Variants in RAB1A observed in about 807,000 individuals in gnomAD.
RAB1A encodes ras-related protein Rab-1A.
Under a neutral mutation model 26.0 loss-of-function variants are expected in RAB1A, and 2 were observed. That is an observed-to-expected ratio of 0.08 (90% confidence interval 0.03 to 0.24). The LOEUF (loss-of-function observed/expected upper bound fraction) is 0.24. RAB1A is among the 10% of genes least tolerant of loss of function. The pLI, the probability that RAB1A is intolerant of heterozygous loss-of-function variation, is 1.00. For synonymous variants in RAB1A, 84 were observed against 84.9 expected (o/e 0.99, Z 0.06); for missense variants, 100 against 247.0 (o/e 0.40, Z 3.99).
chr2:65,126,753 G>A (rs1670109810), intron 1 of RAB1A, among the ~76,000 whole-genome samples: 1 of 152,178 alleles, frequency 6.6e-6, no homozygotes, highest in African/African-American at 2.4e-5. Context: ...TTTAATTGAA[G>A]AGAAAGCAAG....
chr2:65,123,596 G>C (rs1670023247), intron 1 of RAB1A, among the ~76,000 whole-genome samples: 1 of 152,006 alleles, frequency 6.6e-6, no homozygotes, highest in Admixed American at 6.6e-5. Context: ...ATTTGGCTGA[G>C]GTGGGTGGAT....
intron 2 of RAB1A, 51 bp downstream of exon 2, chr2:65,104,683 C>T: frequency 8.0e-7 from 1 of 1,255,264 alleles, no homozygotes. Flanking sequence ...AGAAAACATA[C>T]ATAGCATTAA....
At chr2:65,118,546 C>T (rs985441622) in intron 1 of RAB1A, among the ~76,000 whole-genome samples, 1 of 152,148 alleles carries the variant, frequency 6.6e-6, no homozygotes, top group Admixed American at 6.5e-5. Context: ...AGCACAATCT[C>T]GGCTCACTGC....
In RAB1A at chr2:65,090,986, A is replaced by T; in HGVS notation, c.285T>A (p.Asp95Glu). ...HGIIVVYDVT[D>E]QESFNNVKQW... ...ACAATCTCCTCTTGGAACTTACCTG[A>T]TCTGTCACATCATACACAACTATGA... is the stretch of plus-strand genomic sequence containing the variant. Residue 95 changes from aspartate (D) to glutamate (E), a missense_variant, in exon 4 of 6, where the codon GAT (aspartate) becomes GAA (glutamate). Physicochemically the swap from Asp to Glu is conservative, Grantham distance 45. This residue lies in a region of RAB1A where 33 missense variants were observed against 124.2 expected (regional missense o/e 0.27). Coordinates refer to ENST00000409784, the MANE Select transcript of RAB1A (RefSeq NM_004161.5). 6.2e-7 allele frequency: 1 copy of T among 1,603,632 alleles called. No homozygotes were observed. Among genetic ancestry groups the T allele is most frequent in the South Asian group, 1.1e-5 (1 of 90,216 alleles).
At chr2:65,095,310 A>G (rs925932876) in intron 3 of RAB1A, among the ~76,000 whole-genome samples, 1 of 152,026 alleles carries the variant, frequency 6.6e-6, no homozygotes, top group Non-Finnish European at 1.5e-5. Flanking sequence ...TGCTAGGACT[A>G]TAAGCGTGAA....
At chr2:65,108,731 G>C (rs1669622419) in intron 1 of RAB1A, among the ~76,000 whole-genome samples, 1 of 151,982 alleles carries the variant, frequency 6.6e-6, no homozygotes, top group Non-Finnish European at 1.5e-5. Context: ...ACTTGAACCC[G>C]AGAGGCGGAG....
chr2:65,115,065 G>A (rs1669794379), intron 1 of RAB1A, among the ~76,000 whole-genome samples: 1 of 152,112 alleles, frequency 6.6e-6, no homozygotes, highest in Non-Finnish European at 1.5e-5. Context: ...TCCACCATAT[G>A]ATAACACAGC....
At chr2:65,122,190 G>C in intron 1 of RAB1A, among the ~76,000 whole-genome samples, 1 of 137,468 alleles carries the variant, frequency 7.3e-6, no homozygotes, top group South Asian at 2.4e-4. Context: ...AAAAAAGCTG[G>C]TAAGCTACAC....
intron 1 of RAB1A, among the ~76,000 whole-genome samples, chr2:65,109,921 G>A (rs1042039753): frequency 2.6e-4 from 39 of 152,208 alleles, no homozygotes; most frequent in African/African-American, 9.1e-4. Context: ...ATAGCTATCT[G>A]TGGGTGTGGA....
Position 65,104,906 on chromosome 2 carries a change from A to G in RAB1A, c.24-100T>C, listed in dbSNP as rs747676761. On this transcript the variant is annotated intron_variant, in intron 1 of 5. Coordinates refer to ENST00000409784, the MANE Select transcript of RAB1A (RefSeq NM_004161.5). ...CAGCTACAAATAACAACTCACTGTGAAGACTACATCTCCTATAAAGCCCAT... is the reference window on the plus strand; with the variant it reads ...CAGCTACAAATAACAACTCACTGTGGAGACTACATCTCCTATAAAGCCCAT... 2.7e-5 allele frequency: 26 copies of G among 978,214 alleles called. 1 individual carries two copies. Among genetic ancestry groups the G allele is most frequent in the Non-Finnish European group, 4.1e-5 (25 of 603,406 alleles). 60.6% of individuals were successfully genotyped at this position (978,214 alleles called of 1,614,324 possible). A position where few individuals can be genotyped will look rare whatever the true frequency, so the allele number is the denominator to read the frequency against.
At chr2:65,120,474 A>C (rs1176416537) in intron 1 of RAB1A, among the ~76,000 whole-genome samples, 1 of 151,594 alleles carries the variant, frequency 6.6e-6, no homozygotes, top group Non-Finnish European at 1.5e-5. Flanking sequence ...AAAAAAAAAA[A>C]AAAAAACTCA....
intron 3 of RAB1A, 41 bp downstream of exon 3, chr2:65,097,930 C>A: frequency 8.5e-7 from 1 of 1,175,186 alleles, no homozygotes. Context: ...TACAAATTTA[C>A]CAAAATAAAT....
At chr2:65,107,013 A>G (rs1669578445) in intron 1 of RAB1A, among the ~76,000 whole-genome samples, 1 of 152,130 alleles carries the variant, frequency 6.6e-6, no homozygotes, top group African/African-American at 2.4e-5. Context: ...TTGGCCTCCC[A>G]AAGTGCTGGG....
intron 3 of RAB1A, among the ~76,000 whole-genome samples, chr2:65,093,891 G>T (rs1437241283): frequency 3.3e-5 from 5 of 151,984 alleles, no homozygotes; most frequent in African/African-American, 1.2e-4. Flanking sequence ...CAAAGTGCTG[G>T]GATTACAGGC....
chr2:65,091,559 ATTCT>A (rs1669172781), intron 3 of RAB1A, among the ~76,000 whole-genome samples: 2 of 152,082 alleles, frequency 1.3e-5, no homozygotes, highest in Non-Finnish European at 2.9e-5. Context: ...GCAGCGTCTC[ATTCT>A]GTCATCCAGG....
intron 1 of RAB1A, among the ~76,000 whole-genome samples, chr2:65,115,072 C>T (rs1375127629): frequency 1.3e-5 from 2 of 152,192 alleles, no homozygotes; most frequent in African/African-American, 4.8e-5. Context: ...TATGATAACA[C>T]AGCACAAAGG....
At chr2:65,120,935 C>T (rs1477008) in intron 1 of RAB1A, among the ~76,000 whole-genome samples, 150,461 of 152,310 alleles carry the variant, frequency 0.99, 74,330 homozygotes, top group East Asian at 1. Flanking sequence ...TAGTTTGAGA[C>T]GCAGACTGCA....
chr2:65,118,416 GAA>G (rs111885504), intron 1 of RAB1A, among the ~76,000 whole-genome samples: 23 of 150,942 alleles, frequency 1.5e-4, no homozygotes, highest in African/African-American at 5.6e-4. Flanking sequence ...TTAAAAAACA[GAA>G]AAAAAAACTC....
chr2:65,122,636 C>T (rs1381574986), intron 1 of RAB1A, among the ~76,000 whole-genome samples: 1 of 151,946 alleles, frequency 6.6e-6, no homozygotes, highest in Non-Finnish European at 1.5e-5. Flanking sequence ...TCTTATTTTA[C>T]CCTAAACATG....
Sources: allele counts gnomAD v4.1 joint callset (sites outside exome capture counted in the v4.1 genomes callset), GRCh38; gene constraint gnomAD v4.1.1; regional missense constraint gnomAD v4.1.1; transcripts MANE v1.5; gene names NCBI Gene and HGNC (gene_info 2026-07-23, HGNC 2026-07-21).